The following DSCAM variants were observed in gnomAD, a reference collection of about 807,000 sequenced individuals.
DSCAM encodes the protein cell adhesion molecule DSCAM.
DSCAM carries 47 observed loss-of-function variants against 217.7 expected under a neutral mutation model. The observed-to-expected ratio is 0.22, with a 90% CI of 0.17 to 0.28. DSCAM has a LOEUF of 0.28. DSCAM is among the 10% of genes least tolerant of loss of function. The pLI is 1.00. For missense variants in DSCAM, 2,080 were observed against 2,618.3 expected, an observed-to-expected ratio of 0.79 and a Z score of 4.49; for synonymous variants, 1,056 against 1,015.3, an observed-to-expected ratio of 1.04 and a Z score of -0.76.
intron 3 of DSCAM, among the ~76,000 whole-genome samples, chr21:40,551,777 A>G (rs530771474): frequency 6.6e-6 from 1 of 152,284 alleles, no homozygotes; most frequent in South Asian, 2.1e-4. Context: ...TGTCCATCTT[A>G]GGATCTCTAT....
intron 5 of DSCAM, among the ~76,000 whole-genome samples, chr21:40,349,179 A>G (rs943388252): frequency 6.7e-6 from 1 of 149,822 alleles, no homozygotes; most frequent in African/African-American, 2.5e-5. Context: ...CTGGCTACCA[A>G]TAGTGACCTA....
At chr21:40,729,264 G>A (rs920426269) in intron 1 of DSCAM, among the ~76,000 whole-genome samples, 1 of 152,174 alleles carries the variant, frequency 6.6e-6, no homozygotes, top group African/African-American at 2.4e-5. Flanking sequence ...GAACAGAGCT[G>A]GGATTTGGTG....
At chr21:40,176,240 G>T (rs1184385398) in intron 15 of DSCAM, among the ~76,000 whole-genome samples, 2 of 152,124 alleles carry the variant, frequency 1.3e-5, no homozygotes, top group Non-Finnish European at 2.9e-5. Context: ...CACAACAATA[G>T]GGGTCTGGGA....
chr21:40,798,865 AG>A (rs2091714699), intron 1 of DSCAM, among the ~76,000 whole-genome samples: 3 of 152,162 alleles, frequency 2.0e-5, no homozygotes, highest in Admixed American at 1.3e-4. Context: ...AATAAAATAA[AG>A]GTCATACAAA....
intron 3 of DSCAM, among the ~76,000 whole-genome samples, chr21:40,689,533 G>T (rs1362251531): frequency 6.6e-6 from 1 of 152,216 alleles, no homozygotes; most frequent in African/African-American, 2.4e-5. Context: ...TCCCATACCT[G>T]CTCCTAACTC....
chr21:40,402,221 C>A (rs903100492), intron 3 of DSCAM, among the ~76,000 whole-genome samples: 6 of 151,426 alleles, frequency 4.0e-5, no homozygotes, highest in African/African-American at 1.5e-4. Context: ...CGCCCGCCAC[C>A]ACGCCCGGCT....
intron 18 of DSCAM, among the ~76,000 whole-genome samples, chr21:40,135,696 C>T (rs1473473515): frequency 6.6e-6 from 1 of 152,170 alleles, no homozygotes. Flanking sequence ...AAATGAATAG[C>T]CACGTATTTT....
intron 1 of DSCAM, among the ~76,000 whole-genome samples, chr21:40,718,704 C>A (rs539924356): frequency 6.6e-6 from 1 of 152,178 alleles, no homozygotes; most frequent in African/African-American, 2.4e-5. Context: ...CAAGAAGAGA[C>A]AAAAACCAGA....
chr21:40,494,973 A>G (rs1453509967), intron 3 of DSCAM, among the ~76,000 whole-genome samples: 1 of 152,178 alleles, frequency 6.6e-6, no homozygotes, highest in Non-Finnish European at 1.5e-5. Flanking sequence ...TTATACACCA[A>G]CAAACTGGAT....
chr21:40,693,461 G>A (rs924157993), intron 2 of DSCAM, among the ~76,000 whole-genome samples: 3 of 152,122 alleles, frequency 2.0e-5, no homozygotes, highest in South Asian at 2.1e-4. Flanking sequence ...GAGTATAATC[G>A]AAAATAGTTA....
At chr21:40,172,521 T>TC (rs1448004273) in intron 15 of DSCAM, among the ~76,000 whole-genome samples, 1 of 152,202 alleles carries the variant, frequency 6.6e-6, no homozygotes, top group Non-Finnish European at 1.5e-5. Context: ...TCTGCTTCTG[T>TC]CCCTCCCCAG....
intron 3 of DSCAM, among the ~76,000 whole-genome samples, chr21:40,682,534 A>G (rs1042241369): frequency 4.0e-5 from 6 of 150,352 alleles, no homozygotes; most frequent in African/African-American, 1.5e-4. Context: ...AGAAAAAGAA[A>G]AAAGAAAGAA....
intron 8 of DSCAM, among the ~76,000 whole-genome samples, chr21:40,325,038 A>G (rs185746579): frequency 3.9e-5 from 6 of 152,094 alleles, no homozygotes; most frequent in Non-Finnish European, 8.8e-5. Flanking sequence ...TAGTTTTTTT[A>G]CAAGGATTGT....
chr21:40,729,847 T>G (rs1229798645), intron 1 of DSCAM, among the ~76,000 whole-genome samples: 1 of 152,210 alleles, frequency 6.6e-6, no homozygotes, highest in East Asian at 1.9e-4. Context: ...ACTGTGGTAT[T>G]AATGCTAATT....
At chr21:40,202,092 A>G (rs1348083687) in intron 11 of DSCAM, among the ~76,000 whole-genome samples, 3 of 152,150 alleles carry the variant, frequency 2.0e-5, no homozygotes, top group African/African-American at 4.8e-5. Flanking sequence ...GCCTGCCATG[A>G]TATCACCAGG....
At chr21:40,489,329 T>A (rs1353806195) in intron 3 of DSCAM, among the ~76,000 whole-genome samples, 1 of 152,158 alleles carries the variant, frequency 6.6e-6, no homozygotes, top group Non-Finnish European at 1.5e-5. Context: ...AACTGGAACA[T>A]CAGTTCCTTC....
At chr21:40,624,705 CAAAAAAG>C (rs2146306212) in intron 3 of DSCAM, among the ~76,000 whole-genome samples, 1 of 151,542 alleles carries the variant, frequency 6.6e-6, no homozygotes, top group Admixed American at 6.6e-5. Context: ...GAAGTCAGGC[CAAAAAAG>C]AAAAAAGAAA....
Position 40,414,467 on chromosome 21 carries a change from C to A in DSCAM, c.509-45222G>T, listed in dbSNP as rs953079318. 7.9e-5 allele frequency among the ~76,000 whole-genome samples: 12 copies of A among 152,272 alleles called. No homozygotes were observed. In the South Asian group the frequency reaches 2.5e-3, roughly 32 times the overall value. ...CCTCCTAGAATAGCTAAAATTAAAA[C>A]GTACTGTGAAGAACTGAGACAACTA... On this transcript the variant is annotated intron_variant, in intron 3 of 32. Coordinates refer to ENST00000400454, the MANE Select transcript of DSCAM (RefSeq NM_001389.5).
In DSCAM at chr21:40,012,931, G is replaced by A; in HGVS notation, c.*103C>T. On this transcript the variant is annotated 3_prime_UTR_variant, in exon 33 of 33. Transcript: ENST00000400454. ...TCTTTTTTTTTTTTAATATATTTTG[G>A]CAATTTTCTTTAATTATAAATATTG... 6.1e-6 allele frequency: 5 copies of A among 822,292 alleles called. No individual in the cohort carries two copies. The highest frequency in any genetic ancestry group is 8.3e-6 in the Non-Finnish European group (5 of 599,802). 50.9% of individuals were successfully genotyped at this position (822,292 alleles called of 1,614,324 possible). A position where few individuals can be genotyped will look rare whatever the true frequency, so the allele number is the denominator to read the frequency against.
Sources: gnomAD v4.1 joint callset for allele counts (sites outside exome capture counted in the v4.1 genomes callset) on GRCh38, gnomAD v4.1.1 for gene constraint, MANE v1.5 for transcripts, NCBI Gene and HGNC (gene_info 2026-07-23, HGNC 2026-07-21) for gene names.